The following SLC22A5 variants were observed in gnomAD, a reference collection of about 807,000 sequenced individuals.
SLC22A5 encodes solute carrier family 22 member 5.
SLC22A5 carries 44 observed loss-of-function variants against 56.7 expected under a neutral mutation model. That is an observed-to-expected ratio of 0.78 (90% CI 0.61 to 1.00). SLC22A5 has a LOEUF of 1.00. Ranked by LOEUF, SLC22A5 falls within the 50% of genes least tolerant of loss-of-function variation. The pLI is 0.00. For synonymous variants in SLC22A5, 278 were observed against 292.1 expected, an observed-to-expected ratio of 0.95 and a Z score of 0.49; for missense variants, 675 against 723.0, an observed-to-expected ratio of 0.93 and a Z score of 0.76.
intron 4 of SLC22A5, 46 bp from the exon 5 acceptor site, chr5:132,386,979 G>A (rs374532269): frequency 1.2e-6 from 2 of 1,610,550 alleles, no homozygotes; most frequent in Non-Finnish European, 1.7e-6. Flanking sequence ...CTGTGGGTCT[G>A]CTGTTGGCAG....
intron 1 of SLC22A5, among the ~76,000 whole-genome samples, chr5:132,374,758 CAAA>C (rs34965096): frequency 0.31 from 42,586 of 138,200 alleles, 6,651 homozygotes; most frequent in South Asian, 0.58. Context: ...GTCAGGGAGC[CAAA>C]AAAAAAAAAA....
intron 1 of SLC22A5, among the ~76,000 whole-genome samples, chr5:132,371,548 A>C (rs868766219): frequency 6.6e-6 from 1 of 152,150 alleles, no homozygotes; most frequent in Non-Finnish European, 1.5e-5. Context: ...TTTTTTAGAC[A>C]CTGGCACTCT....
At chr5:132,377,945 C>T (rs1752204157) in intron 1 of SLC22A5, 1 of 655,938 alleles carries the variant, frequency 1.5e-6, no homozygotes, top group South Asian at 2.0e-5. Context: ...TTGCTGGATG[C>T]TTTGGCCCGT....
intron 2 of SLC22A5, chr5:132,383,579 G>T (rs1279259791): frequency 1.3e-5 from 2 of 159,708 alleles, no homozygotes; most frequent in Non-Finnish European, 2.8e-5. Flanking sequence ...TCTTTATGAT[G>T]TTAACAGTAA....
Position 132,384,307 on chromosome 5 carries a change from G to C in SLC22A5, c.652+6G>C, listed in dbSNP as rs4551059. The C allele has an allele frequency of 1.2e-6, 2 of 1,613,852 alleles. No individual in the cohort carries two copies. The highest frequency in any genetic ancestry group is 1.7e-6 in the Non-Finnish European group (2 of 1,179,742). On this transcript the variant is annotated splice_donor_region_variant and intron_variant, in intron 3 of 9. Transcript: ENST00000245407. Reference sequence around the variant, plus strand: ...TGTGGCAGCATTTGTCCTGGGTATGGCCATCAGGTTGGAGTTGAGTACTTG... The same window carrying C: ...TGTGGCAGCATTTGTCCTGGGTATGCCCATCAGGTTGGAGTTGAGTACTTG...
rs552645412 is a variant in SLC22A5 at position 132,375,256 on chromosome 5, G to A, written c.394-3122G>A. Among the ~76,000 whole-genome samples the A allele has an allele frequency of 3.9e-5, 6 of 152,336 alleles. No individual in the cohort carries two copies. The South Asian group carries it at 1.2e-3, about 32-fold the overall frequency. On this transcript the variant is annotated intron_variant, in intron 1 of 9. Coordinates refer to ENST00000245407, the MANE Select transcript of SLC22A5 (RefSeq NM_003060.4). Reference sequence around the variant, plus strand: ...GGGGGCACTGCCAGGAGTTGTAGAGGATGTGATAGCAAAGATAGGAAATAC... The same window carrying A: ...GGGGGCACTGCCAGGAGTTGTAGAGAATGTGATAGCAAAGATAGGAAATAC...
chr5:132,378,160 G>T, intron 1 of SLC22A5: 1 of 1,571,408 alleles, frequency 6.4e-7, no homozygotes, highest in Non-Finnish European at 8.6e-7. Flanking sequence ...CCTCAAAATG[G>T]AAGCAAGACA....
chr5:132,372,644 C>T (rs1033657953), intron 1 of SLC22A5, among the ~76,000 whole-genome samples: 3 of 152,316 alleles, frequency 2.0e-5, no homozygotes, highest in East Asian at 1.9e-4. Context: ...TGTGCCCTTT[C>T]ACCTACTTAT....
At chr5:132,391,329 C>T (rs1293378994) in intron 7 of SLC22A5, among the ~76,000 whole-genome samples, 3 of 152,112 alleles carry the variant, frequency 2.0e-5, no homozygotes, top group African/African-American at 7.2e-5. Flanking sequence ...GAACCCCAGG[C>T]CCTCATGGAA....
intron 2 of SLC22A5, chr5:132,383,447 A>G (rs1561570132): frequency 1.3e-5 from 2 of 153,846 alleles, no homozygotes; most frequent in Admixed American, 6.4e-5. Flanking sequence ...AGTTCAGCAC[A>G]TTCCTCTATG....
rs1752553633 is a variant in SLC22A5 at position 132,387,017 on chromosome 5, A to T, written c.825-8A>T. On this transcript the variant is annotated splice_polypyrimidine_tract_variant and splice_region_variant and intron_variant, in intron 4 of 9. Coordinates refer to ENST00000245407, the MANE Select transcript of SLC22A5 (RefSeq NM_003060.4). ...AGGCCTCACTGAGATTGGACCTTGTACTGCCAGGTTCATCCCTGAGTCCCC... is the reference window on the plus strand; with the variant it reads ...AGGCCTCACTGAGATTGGACCTTGTTCTGCCAGGTTCATCCCTGAGTCCCC... The T allele has an allele frequency of 6.2e-7, 1 of 1,613,990 alleles. No individual in the cohort carries two copies. The highest frequency in any genetic ancestry group is 8.5e-7 in the Non-Finnish European group (1 of 1,179,930).
rs745994172 is a variant in SLC22A5, at chr5:132,370,212, C to A, written c.240C>A (p.Ser80Arg). 6.3e-7 allele frequency: 1 copy of A among 1,588,124 alleles called. No individual in the cohort carries two copies. The highest frequency in any genetic ancestry group is 1.1e-5 in the South Asian group (1 of 88,808). ...GGGACGGCCGCGAGGTGCCCCACAG[C>A]TGCCGCCGCTACCGGCTCGCCACCA... ...RLRDGREVPH[S>R]CRRYRLATIA... The change falls in exon 1 of 10, where the codon AGC becomes AGA. Residue 80 changes from serine to arginine, a missense_variant. Transcript: ENST00000245407.
chr5:132,394,221 G>C lies in SLC22A5; in HGVS notation c.1623G>C (p.Met541Ile), dbSNP rs1207721836. The C allele has an allele frequency of 6.2e-7, 1 of 1,613,830 alleles. No homozygotes were observed. The highest frequency in any genetic ancestry group is 1.7e-5 in the Admixed American group (1 of 60,028). Reference protein sequence around the residue: ...KHRKTPSHTRMLKDGQERPTI... With the variant: ...KHRKTPSHTRILKDGQERPTI... Reference sequence around the variant, plus strand: ...GAAAAACTCCAAGTCACACAAGGATGTTAAAAGATGGTCAAGAAAGGCCCA... The same window carrying C: ...GAAAAACTCCAAGTCACACAAGGATCTTAAAAGATGGTCAAGAAAGGCCCA... Residue 541 changes from methionine to isoleucine, a missense_variant, in exon 10 of 10, where the codon ATG becomes ATC. Coordinates refer to ENST00000245407, the MANE Select transcript of SLC22A5 (RefSeq NM_003060.4).
intron 1 of SLC22A5, among the ~76,000 whole-genome samples, chr5:132,372,068 G>A (rs1433251359): frequency 2.0e-5 from 3 of 152,124 alleles, no homozygotes; most frequent in East Asian, 1.9e-4. Context: ...GAGTGTGACC[G>A]GAGCCCCACT....
rs1580894264 is a variant in SLC22A5 at position 132,392,492 on chromosome 5, T to C, written c.1327T>C (p.Phe443Leu). 1.9e-6 allele frequency: 3 copies of C among 1,613,976 alleles called. No individual in the cohort carries two copies. Among genetic ancestry groups the C allele is most frequent in the Non-Finnish European group, 2.5e-6 (3 of 1,179,838 alleles). Residue 443 changes from phenylalanine (F) to leucine (L), a missense_variant, in exon 8 of 10, where the codon TTT becomes CTT. Phe to Leu is a conservative substitution (Grantham distance 22, BLOSUM62 0). Transcript: ENST00000245407. ...GGGCAAGTTTGGAGTCACGGCTGCC[T>C]TTTCCATGGTCTACGTGTACACAGC... ...MVGKFGVTAA[F>L]SMVYVYTAEL...
intron 5 of SLC22A5, among the ~76,000 whole-genome samples, chr5:132,388,051 C>T (rs1752592338): frequency 6.6e-6 from 1 of 152,218 alleles, no homozygotes; most frequent in Non-Finnish European, 1.5e-5. Context: ...CCACTGCCAG[C>T]CCTGCAGACT....
Position 132,370,107 on chromosome 5 carries a change from C to G in SLC22A5, c.135C>G (p.Thr45=), listed in dbSNP as rs202000855. Reference sequence around the variant, plus strand: ...TGTCCTCCGTGTTCCTGATAGCGACCCCGGAGCACCGCTGCCGGGTGCCGG... The same window carrying G: ...TGTCCTCCGTGTTCCTGATAGCGACGCCGGAGCACCGCTGCCGGGTGCCGG... ...TGLSSVFLIA[T]PEHRCRVPDA... The change falls in exon 1 of 10, where the codon ACC becomes ACG. Residue 45 remains threonine, a synonymous_variant. Coordinates refer to ENST00000245407, the MANE Select transcript of SLC22A5 (RefSeq NM_003060.4). 2.5e-6 allele frequency: 4 copies of G among 1,611,864 alleles called. No individual in the cohort carries two copies. Among genetic ancestry groups the G allele is most frequent in the South Asian group, 2.2e-5 (2 of 90,990 alleles).
At position 132,392,422 on chromosome 5, in the gene SLC22A5, T is replaced by C; in HGVS notation, c.1268-11T>C. ...GTACCTACTCCTACCCTCTTTCCTT[T>C]GCTTCTCCAGACTTGTATTATTTGG... On this transcript the variant is annotated splice_polypyrimidine_tract_variant and intron_variant, in intron 7 of 9. Coordinates refer to ENST00000245407, the MANE Select transcript of SLC22A5 (RefSeq NM_003060.4). 1 of 1,613,902 alleles carries C rather than the reference T, an allele frequency of 6.2e-7. No individual in the cohort carries two copies. Among genetic ancestry groups the C allele is most frequent in the Non-Finnish European group, 8.5e-7 (1 of 1,179,756 alleles).
In SLC22A5 at chr5:132,378,434, C is replaced by A; in HGVS notation, c.450C>A (p.Phe150Leu). The change falls in exon 2 of 10, where the codon TTC becomes TTA. Residue 150 changes from phenylalanine to leucine, a missense_variant. Physicochemically the swap from Phe to Leu is conservative, Grantham distance 22 (BLOSUM62 0). Transcript: ENST00000245407. The stretch of plus-strand genomic sequence containing the variant: ...CCCCACTCACAATCTCCTTGTTCTT[C>A]GTGGGTGTGCTGTTGGGCTCCTTCA... ...WKAPLTISLF[F>L]VGVLLGSFIS... is the part of the protein sequence containing the mutation. 1.2e-6 allele frequency: 2 copies of A among 1,614,204 alleles called. No homozygotes were observed. Among genetic ancestry groups the A allele is most frequent in the Non-Finnish European group, 1.7e-6 (2 of 1,180,026 alleles).
Sources: allele counts gnomAD v4.1 joint callset (sites outside exome capture counted in the v4.1 genomes callset), GRCh38; gene constraint gnomAD v4.1.1; transcripts MANE v1.5; gene names NCBI Gene and HGNC (gene_info 2026-07-23, HGNC 2026-07-21).